Variants in GABRB1 observed in about 807,000 individuals in gnomAD.
GABRB1 encodes the protein gamma-aminobutyric acid receptor subunit beta-1.
GABRB1 carries 17 observed loss-of-function variants against 51.6 expected under a neutral mutation model. The observed-to-expected ratio is 0.33, with a 90% confidence interval of 0.23 to 0.49. The LOEUF (loss-of-function observed/expected upper bound fraction) is 0.49. Among genes scored for constraint, GABRB1 ranks in the 20% least tolerant of loss-of-function variants. The pLI is 0.99. For missense variants in GABRB1, 410 were observed against 600.6 expected (o/e 0.68, Z 3.32); for synonymous variants, 247 against 218.9 (o/e 1.13, Z -1.14).
rs147949458 is a variant in GABRB1 at position 47,136,277 on chromosome 4, G to A, written c.241-24972G>A. On this transcript the variant is annotated intron_variant, in intron 3 of 8. Transcript: ENST00000295454. ...AGAGTGCTGGGATTACAGGCATAGC[G>A]GCCTTGAATACCACTTCTAAGAAGA... Among the ~76,000 whole-genome samples the A allele has an allele frequency of 4.1e-4, 63 of 152,012 alleles. No homozygotes were observed. The East Asian group carries it at 4.5e-3, about 11-fold the overall frequency.
intron 4 of GABRB1, among the ~76,000 whole-genome samples, chr4:47,308,757 T>C (rs1724558985): frequency 1.3e-5 from 2 of 152,126 alleles, no homozygotes; most frequent in Admixed American, 6.6e-5. Context: ...ATCCTGTACT[T>C]ACTGATTCCA....
chr4:47,373,195 A>T (rs984969123), intron 5 of GABRB1, among the ~76,000 whole-genome samples: 9 of 152,166 alleles, frequency 5.9e-5, no homozygotes, highest in African/African-American at 2.2e-4. Context: ...TTGACAACCT[A>T]TACCCTGACT....
intron 4 of GABRB1, among the ~76,000 whole-genome samples, chr4:47,202,359 C>T (rs1026627495): frequency 2.0e-5 from 3 of 152,058 alleles, no homozygotes; most frequent in African/African-American, 2.4e-5. Context: ...TTCTTCAGAC[C>T]GACCTCTTTC....
chr4:47,022,824 A>C (rs948009024), intron 1 of GABRB1, among the ~76,000 whole-genome samples: 4 of 152,122 alleles, frequency 2.6e-5, no homozygotes, highest in Admixed American at 6.6e-5. Flanking sequence ...ATTGCTAGGT[A>C]TTTATCCAAA....
intron 1 of GABRB1, among the ~76,000 whole-genome samples, chr4:47,001,986 G>A (rs569961264): frequency 2.0e-5 from 3 of 152,226 alleles, no homozygotes; most frequent in Admixed American, 6.5e-5. Flanking sequence ...ATTAGTCTTA[G>A]GATAGGCAGT....
intron 1 of GABRB1, among the ~76,000 whole-genome samples, chr4:47,019,583 T>G: frequency 8.8e-6 from 1 of 113,662 alleles, no homozygotes; most frequent in East Asian, 3.1e-4. Flanking sequence ...CTCTCCCTCC[T>G]TCCTCCCTCC....
In GABRB1 at chr4:47,094,702, C is replaced by A. The variant is rs1353719828; in HGVS notation, c.240+62218C>A. On this transcript the variant is annotated intron_variant, in intron 3 of 8. Coordinates refer to ENST00000295454, the MANE Select transcript of GABRB1 (RefSeq NM_000812.4). ...GTGGTGAAATAATCTGTACAATAAACCCCCATGACACACGTTTACCTATGT... is the reference window on the plus strand; with the variant it reads ...GTGGTGAAATAATCTGTACAATAAAACCCCATGACACACGTTTACCTATGT... 2.0e-5 allele frequency among the ~76,000 whole-genome samples: 3 copies of A among 151,544 alleles called. No individual in the cohort carries two copies. The East Asian group carries it at 5.8e-4, about 29-fold the overall frequency.
At chr4:47,144,199 T>C (rs1025346635) in intron 3 of GABRB1, among the ~76,000 whole-genome samples, 17 of 152,096 alleles carry the variant, frequency 1.1e-4, no homozygotes, top group African/African-American at 4.1e-4. Context: ...TATCCAAAAC[T>C]ATAGATTAAA....
chr4:47,080,579 T>A (rs1341642774), intron 3 of GABRB1, among the ~76,000 whole-genome samples: 1 of 152,128 alleles, frequency 6.6e-6, no homozygotes, highest in Non-Finnish European at 1.5e-5. Context: ...AAAAATTACT[T>A]TATTATGTCT....
intron 8 of GABRB1, among the ~76,000 whole-genome samples, chr4:47,409,737 T>C (rs1728701113): frequency 1.3e-5 from 2 of 152,208 alleles, no homozygotes; most frequent in Admixed American, 6.5e-5. Flanking sequence ...CTGTCTCCTG[T>C]CCATATCAAA....
At chr4:47,297,031 G>A (rs981024681) in intron 4 of GABRB1, among the ~76,000 whole-genome samples, 24 of 152,176 alleles carry the variant, frequency 1.6e-4, no homozygotes, top group African/African-American at 5.8e-4. Flanking sequence ...ATGAAATGAA[G>A]GCAGAAATAA....
intron 3 of GABRB1, among the ~76,000 whole-genome samples, chr4:47,082,132 C>T (rs1727875963): frequency 6.6e-6 from 1 of 151,940 alleles, no homozygotes; most frequent in Non-Finnish European, 1.5e-5. Context: ...TCATATAATA[C>T]CAACTCTATG....
At chr4:47,237,283 A>G (rs1721363072) in intron 4 of GABRB1, among the ~76,000 whole-genome samples, 1 of 152,040 alleles carries the variant, frequency 6.6e-6, no homozygotes, top group African/African-American at 2.4e-5. Context: ...AGTAAATATG[A>G]CTTAACATTT....
Position 47,298,505 on chromosome 4 carries a change from A to G in GABRB1, c.462-21622A>G, listed in dbSNP as rs542343382. Among the ~76,000 whole-genome samples the G allele has an allele frequency of 7.8e-3, 1,190 of 152,332 alleles. 20 individuals are homozygous for G. The highest frequency in any genetic ancestry group is 0.027 in the African/African-American group (1,122 of 41,560). ...CATTCACAATTGCTTCAAAGAGAAT[A>G]AAATACCTAGGAATCCAACTTACAA... On this transcript the variant is annotated intron_variant, in intron 4 of 8. Coordinates refer to ENST00000295454, the MANE Select transcript of GABRB1 (RefSeq NM_000812.4).
chr4:47,297,569 A>C (rs1033046195), intron 4 of GABRB1, among the ~76,000 whole-genome samples: 3 of 152,192 alleles, frequency 2.0e-5, no homozygotes, highest in African/African-American at 7.2e-5. Context: ...AAGAGGTTGA[A>C]TCTCTGAATA....
chr4:47,330,201 G>A (rs901957452), intron 5 of GABRB1, among the ~76,000 whole-genome samples: 3 of 152,128 alleles, frequency 2.0e-5, no homozygotes, highest in Admixed American at 6.5e-5. Context: ...GTTGGATGAC[G>A]CTCACCCACG....
At chr4:47,311,060 CAAAA>C (rs34566582) in intron 4 of GABRB1, among the ~76,000 whole-genome samples, 1 of 52,176 alleles carries the variant, frequency 1.9e-5, no homozygotes, top group Non-Finnish European at 3.2e-5. Context: ...AACTCTGTCT[CAAAA>C]AAAAAAAAAA....
chr4:47,310,196 A>T (rs1578084108), intron 4 of GABRB1, among the ~76,000 whole-genome samples: 2 of 152,162 alleles, frequency 1.3e-5, no homozygotes, highest in South Asian at 2.1e-4. Flanking sequence ...CTGGATTTCT[A>T]AAAAAATGGC....
intron 4 of GABRB1, among the ~76,000 whole-genome samples, chr4:47,285,735 G>A (rs567062777): frequency 7.2e-5 from 11 of 152,250 alleles, no homozygotes; most frequent in South Asian, 2.1e-4. Flanking sequence ...CTCTGAAATA[G>A]CATCTACATT....
Sources: allele counts gnomAD v4.1 joint callset (sites outside exome capture counted in the v4.1 genomes callset), GRCh38; gene constraint gnomAD v4.1.1; transcripts MANE v1.5; gene names NCBI Gene and HGNC (gene_info 2026-07-23, HGNC 2026-07-21).